The following FHIT variants were observed in gnomAD, a reference collection of about 807,000 sequenced individuals.
FHIT encodes the protein bis(5'-adenosyl)-triphosphatase.
FHIT carries 19 observed loss-of-function variants against 17.9 expected under a neutral mutation model. The observed-to-expected ratio is 1.06, with a 90% CI of 0.74 to 1.56. The LOEUF is 1.56. FHIT is among the 40% of genes most tolerant of loss of function. FHIT has a pLI of 0.00. For synonymous variants in FHIT, 81 were observed against 69.7 expected (o/e 1.16, Z -0.81); for missense variants, 248 against 189.2 (o/e 1.31, Z -1.82).
chr3:59,882,492 G>A (rs1011186980), intron 8 of FHIT, among the ~76,000 whole-genome samples: 5 of 152,000 alleles, frequency 3.3e-5, no homozygotes, highest in African/African-American at 4.8e-5. Flanking sequence ...TGGTAACTCG[G>A]TAGAGAAATC....
chr3:60,712,818 A>G lies in FHIT; in HGVS notation c.-18+109101T>C, dbSNP rs541947293. ...TACAAAGAGACTTAGACTCCCACAC[A>G]ATAATAATGGGAGACTTTAACACCC... On this transcript the variant is annotated intron_variant, in intron 4 of 9. Coordinates refer to ENST00000492590, the MANE Select transcript of FHIT (RefSeq NM_002012.4). 4.9e-5 allele frequency among the ~76,000 whole-genome samples: 7 copies of G among 142,464 alleles called. No individual in the cohort carries two copies. The South Asian group carries it at 1.0e-3, about 21-fold the overall frequency. 93.5% of individuals were successfully genotyped at this position (142,464 alleles called of 152,430 possible).
intron 5 of FHIT, among the ~76,000 whole-genome samples, chr3:60,231,479 T>C (rs1704494389): frequency 6.6e-6 from 1 of 152,194 alleles, no homozygotes; most frequent in African/African-American, 2.4e-5. Flanking sequence ...ACCTGACTTC[T>C]AGCACCACTG....
At chr3:60,592,249 T>TAC (rs1382709066) in intron 4 of FHIT, among the ~76,000 whole-genome samples, 4 of 145,120 alleles carry the variant, frequency 2.8e-5, no homozygotes, top group African/African-American at 9.9e-5. Flanking sequence ...TCCATATATA[T>TAC]ACTATATATA....
intron 4 of FHIT, among the ~76,000 whole-genome samples, chr3:60,650,553 G>A (rs1443523086): frequency 6.6e-6 from 1 of 152,088 alleles, no homozygotes; most frequent in Non-Finnish European, 1.5e-5. Flanking sequence ...TCAGACTTTC[G>A]ACATCTGATG....
chr3:59,831,304 T>C (rs1315251731), intron 8 of FHIT, among the ~76,000 whole-genome samples: 1 of 152,132 alleles, frequency 6.6e-6, no homozygotes, highest in Non-Finnish European at 1.5e-5. Flanking sequence ...ATGATGACAG[T>C]AATAATCATT....
chr3:59,982,303 T>C (rs550104664), intron 7 of FHIT, among the ~76,000 whole-genome samples: 32 of 152,250 alleles, frequency 2.1e-4, no homozygotes, highest in African/African-American at 7.7e-4. Context: ...CTTTTAATTG[T>C]AGCTTTTGGG....
At chr3:60,499,408 T>C (rs1353624655) in intron 5 of FHIT, among the ~76,000 whole-genome samples, 1 of 152,144 alleles carries the variant, frequency 6.6e-6, no homozygotes, top group East Asian at 1.9e-4. Flanking sequence ...CTTCGTGTTT[T>C]TGAAACGGAG....
At chr3:60,188,423 T>C (rs916929210) in intron 5 of FHIT, among the ~76,000 whole-genome samples, 2 of 152,244 alleles carry the variant, frequency 1.3e-5, no homozygotes, top group East Asian at 3.9e-4. Flanking sequence ...AGTGACTGTA[T>C]TTTGTAAAAT....
At chr3:60,205,943 C>T (rs1351717533) in intron 5 of FHIT, among the ~76,000 whole-genome samples, 2 of 150,452 alleles carry the variant, frequency 1.3e-5, no homozygotes, top group Admixed American at 6.6e-5. Context: ...CCCGTCTCTA[C>T]TAAAAATACA....
At chr3:61,221,143 T>C (rs1000988493) in intron 1 of FHIT, among the ~76,000 whole-genome samples, 2 of 152,210 alleles carry the variant, frequency 1.3e-5, no homozygotes, top group Non-Finnish European at 2.9e-5. Flanking sequence ...GCCCAGGCAA[T>C]GGGTAAGCAG....
intron 4 of FHIT, among the ~76,000 whole-genome samples, chr3:60,672,379 T>G (rs1419848934): frequency 6.6e-6 from 1 of 151,370 alleles, no homozygotes; most frequent in Non-Finnish European, 1.5e-5. Flanking sequence ...AAAGGGGGTT[T>G]GTTCTCTGGC....
intron 3 of FHIT, among the ~76,000 whole-genome samples, chr3:60,833,280 G>A (rs1702397906): frequency 6.6e-6 from 1 of 152,176 alleles, no homozygotes; most frequent in Non-Finnish European, 1.5e-5. Flanking sequence ...GAAGTAGGGA[G>A]GGAGGCAGTT....
At chr3:59,774,044 T>C (rs1702192691) in intron 8 of FHIT, among the ~76,000 whole-genome samples, 1 of 152,264 alleles carries the variant, frequency 6.6e-6, no homozygotes, top group Non-Finnish European at 1.5e-5. Flanking sequence ...ATATGGCTAC[T>C]ATAAAACTGA....
chr3:61,015,097 G>C (rs1575840962), intron 3 of FHIT, among the ~76,000 whole-genome samples: 1 of 152,034 alleles, frequency 6.6e-6, no homozygotes, highest in East Asian at 1.9e-4. Context: ...TCAGCTGTCA[G>C]AGTGAAACTT....
intron 5 of FHIT, among the ~76,000 whole-genome samples, chr3:60,246,233 C>T (rs1414042672): frequency 6.6e-6 from 1 of 151,878 alleles, no homozygotes; most frequent in Non-Finnish European, 1.5e-5. Context: ...AACAGTTATA[C>T]TAAAATAAAA....
chr3:59,851,329 G>A (rs940787669), intron 8 of FHIT, among the ~76,000 whole-genome samples: 1 of 152,176 alleles, frequency 6.6e-6, no homozygotes, highest in African/African-American at 2.4e-5. Context: ...AAAATGTTAA[G>A]ATTAGAAATA....
At chr3:60,010,339 TATG>T (rs1330967485) in intron 7 of FHIT, among the ~76,000 whole-genome samples, 2 of 152,154 alleles carry the variant, frequency 1.3e-5, no homozygotes, top group Non-Finnish European at 2.9e-5. Flanking sequence ...AGCCCTTTTT[TATG>T]ATAAGGAATT....
At chr3:60,236,714 T>A (rs1378853790) in intron 5 of FHIT, among the ~76,000 whole-genome samples, 1 of 152,222 alleles carries the variant, frequency 6.6e-6, no homozygotes, top group Non-Finnish European at 1.5e-5. Context: ...TCCTTTTTTT[T>A]ACTTATACAG....
At chr3:60,373,088 G>A (rs1031543655) in intron 5 of FHIT, among the ~76,000 whole-genome samples, 2 of 152,184 alleles carry the variant, frequency 1.3e-5, no homozygotes, top group African/African-American at 4.8e-5. Context: ...AATATTGGGT[G>A]ATGGACATAC....
Sources: gnomAD v4.1 joint callset for allele counts (sites outside exome capture counted in the v4.1 genomes callset) on GRCh38, gnomAD v4.1.1 for gene constraint, MANE v1.5 for transcripts, NCBI Gene and HGNC (gene_info 2026-07-23, HGNC 2026-07-21) for gene names.